The following COX5A variants were observed in gnomAD, a reference collection of about 807,000 sequenced individuals.
The protein encoded by COX5A is cytochrome c oxidase subunit 5A.
In COX5A, 6 loss-of-function variants were observed where a neutral mutation model predicts 16.1. The observed-to-expected ratio is 0.37, with a 90% CI of 0.20 to 0.73. The LOEUF is 0.73. Ranked by LOEUF, COX5A falls within the 30% of genes least tolerant of loss-of-function variation. The pLI, the probability that COX5A is intolerant of heterozygous loss-of-function variation, is 0.50. For missense variants in COX5A, 159 were observed against 194.9 expected (o/e 0.82, Z 1.10); for synonymous variants, 73 against 73.8 (o/e 0.99, Z 0.06).
At chr15:74,926,329 C>A (rs952638150) in intron 3 of COX5A, among the ~76,000 whole-genome samples, 5 of 151,614 alleles carry the variant, frequency 3.3e-5, no homozygotes, top group Admixed American at 2.0e-4. Flanking sequence ...CGTGAGCCAC[C>A]GCGCCTGGCC....
At chr15:74,937,609 T>C (rs1265884568) in intron 1 of COX5A, 3 of 240,920 alleles carry the variant, frequency 1.2e-5, no homozygotes, top group Non-Finnish European at 2.4e-5. Context: ...GGGTCGGCGC[T>C]GGGGCAGGGT....
chr15:74,926,164 T>G (rs185054119), intron 3 of COX5A, among the ~76,000 whole-genome samples: 144 of 151,380 alleles, frequency 9.5e-4, no homozygotes, highest in African/African-American at 3.4e-3. Flanking sequence ...CTCAGCCTCC[T>G]GAGTAGCTGG....
chr15:74,931,535 T>A (rs2065367588), intron 1 of COX5A, among the ~76,000 whole-genome samples: 1 of 150,856 alleles, frequency 6.6e-6, no homozygotes, highest in African/African-American at 2.4e-5. Context: ...CATAGAGTAC[T>A]GTATGAAAAG....
chr15:74,921,435 A>G (rs1012806344), intron 4 of COX5A, among the ~76,000 whole-genome samples: 2 of 148,094 alleles, frequency 1.4e-5, no homozygotes, highest in Non-Finnish European at 3.0e-5. Flanking sequence ...AAGAAAAAGA[A>G]TATCAATCAC....
At chr15:74,936,307 A>C (rs1167092433) in intron 1 of COX5A, among the ~76,000 whole-genome samples, 1 of 149,564 alleles carries the variant, frequency 6.7e-6, no homozygotes, top group Non-Finnish European at 1.5e-5. Flanking sequence ...AAAAACAAAC[A>C]AACAAACAAA....
At chr15:74,931,321 T>C (rs1271465027) in intron 1 of COX5A, among the ~76,000 whole-genome samples, 1 of 151,870 alleles carries the variant, frequency 6.6e-6, no homozygotes, top group Non-Finnish European at 1.5e-5. Flanking sequence ...ATCAACATTG[T>C]GAAACTCCGT....
chr15:74,927,019 G>C (rs1351147058), intron 2 of COX5A, 132 bp from the exon 3 acceptor site: 2 of 889,416 alleles, frequency 2.2e-6, no homozygotes, highest in South Asian at 2.0e-5. Context: ...CCTATAAAAT[G>C]AGAGAAACCT....
At chr15:74,934,764 C>T (rs1403245944) in intron 1 of COX5A, among the ~76,000 whole-genome samples, 1 of 151,988 alleles carries the variant, frequency 6.6e-6, no homozygotes, top group East Asian at 1.9e-4. Context: ...CACACCCCAC[C>T]CCACTTAAGA....
intron 2 of COX5A, among the ~76,000 whole-genome samples, chr15:74,928,869 G>A (rs770105396): frequency 1.3e-5 from 2 of 152,136 alleles, no homozygotes; most frequent in Non-Finnish European, 2.9e-5. Context: ...GAGGCCAAAG[G>A]TGATGCTAAA....
chr15:74,934,834 C>CA (rs1188094140), intron 1 of COX5A, among the ~76,000 whole-genome samples: 1 of 152,024 alleles, frequency 6.6e-6, no homozygotes. Flanking sequence ...AACAATTACT[C>CA]AGAGCTTTTA....
chr15:74,933,767 C>A (rs535925742), intron 1 of COX5A, among the ~76,000 whole-genome samples: 1 of 152,252 alleles, frequency 6.6e-6, no homozygotes, highest in African/African-American at 2.4e-5. Context: ...TGTACTCCTT[C>A]CCCAGAGGTA....
intron 1 of COX5A, among the ~76,000 whole-genome samples, chr15:74,936,921 G>A (rs1165331915): frequency 6.6e-6 from 1 of 152,056 alleles, no homozygotes; most frequent in African/African-American, 2.4e-5. Flanking sequence ...GAGCCACCGC[G>A]CCCGGCTGAG....
chr15:74,921,251 A>T (rs1043292663), intron 4 of COX5A, among the ~76,000 whole-genome samples: 3 of 151,494 alleles, frequency 2.0e-5, no homozygotes, highest in African/African-American at 7.3e-5. Context: ...TACTAAAAAT[A>T]CAAAAAATTA....
chr15:74,926,712 T>A, intron 3 of COX5A, 54 bp downstream of exon 3: 1 of 1,555,552 alleles, frequency 6.4e-7, no homozygotes. Context: ...TTCTGATACC[T>A]CAGCAATAGC....
chr15:74,935,513 TC>T (rs2065385257), intron 1 of COX5A, among the ~76,000 whole-genome samples: 1 of 146,924 alleles, frequency 6.8e-6, no homozygotes, highest in African/African-American at 2.5e-5. Context: ...GGCAGGAGGA[TC>T]AGTTGAGTCC....
In COX5A at chr15:74,937,992, C is replaced by A; in HGVS notation, c.23G>T (p.Arg8Leu). 8.1e-7 allele frequency: 1 copy of A among 1,231,958 alleles called. No individual in the cohort carries two copies. Among genetic ancestry groups the A allele is most frequent in the Non-Finnish European group, 1.0e-6 (1 of 987,866 alleles). The allele number at this position is 1,231,958 out of a possible 1,614,324, so 76.3% of individuals were successfully genotyped here. A position where few individuals can be genotyped will look rare whatever the true frequency, so the allele number is the denominator to read the frequency against. The change falls in exon 1 of 5, where the codon CGC becomes CTC. Residue 8 changes from arginine to leucine, a missense_variant. Coordinates refer to ENST00000322347, the MANE Select transcript of COX5A (RefSeq NM_004255.4). ...CCGGGTGGTTGCGGCCACAGCGCAG[C>A]GGCGGAGAGCGGCGCCCAGCATGAC... MLGAALR[R>L]CAVAATTRAD...
chr15:74,927,282 T>G (rs1352468018), intron 2 of COX5A, among the ~76,000 whole-genome samples: 1 of 152,094 alleles, frequency 6.6e-6, no homozygotes, highest in East Asian at 1.9e-4. Context: ...GTTCAAGTGA[T>G]TCTCCTGCCT....
At chr15:74,929,563 T>G (rs755521898) in intron 1 of COX5A, among the ~76,000 whole-genome samples, 3 of 152,198 alleles carry the variant, frequency 2.0e-5, no homozygotes, top group Non-Finnish European at 4.4e-5. Flanking sequence ...ACTTCCATAT[T>G]GTTTGAATTT....
intron 1 of COX5A, among the ~76,000 whole-genome samples, chr15:74,936,060 G>A (rs2065388513): frequency 1.3e-5 from 2 of 152,032 alleles, no homozygotes. Flanking sequence ...GGAGGCTGAG[G>A]CAGACGGATC....
Sources: gnomAD v4.1 joint callset for allele counts (sites outside exome capture counted in the v4.1 genomes callset) on GRCh38, gnomAD v4.1.1 for gene constraint, MANE v1.5 for transcripts, NCBI Gene and HGNC (gene_info 2026-07-23, HGNC 2026-07-21) for gene names.